Variants in CCDC88C observed in about 807,000 individuals in gnomAD.
CCDC88C encodes coiled-coil and HOOK domain protein 88C, also known as protein Daple.
CCDC88C carries 131 observed loss-of-function variants against 198.8 expected under a neutral mutation model. The ratio of observed to expected loss-of-function variants is 0.66; its 90% CI spans 0.57 to 0.76. CCDC88C has a LOEUF of 0.76. Among genes scored for constraint, CCDC88C ranks in the 30% least tolerant of loss-of-function variants. The probability of loss-of-function intolerance (pLI) is 0.00; values close to 1 mark genes in which losing one functional copy is unlikely to be tolerated. For missense variants in CCDC88C, 2,553 were observed against 2,631.6 expected, an observed-to-expected ratio of 0.97 and a Z score of 0.65; for synonymous variants, 1,166 against 1,114.7, an observed-to-expected ratio of 1.05 and a Z score of -0.92.
chr14:91,330,495 G>C (rs759140479), intron 10 of CCDC88C, among the ~76,000 whole-genome samples: 6 of 152,208 alleles, frequency 3.9e-5, no homozygotes, highest in Non-Finnish European at 8.8e-5. Flanking sequence ...TCCGCAGGCA[G>C]ACTCTGGAGT....
At position 91,351,060 on chromosome 14, in the gene CCDC88C, G is replaced by A. The variant is rs79554548; in HGVS notation, c.341-7403C>T. Reference sequence around the variant, plus strand: ...CTTCTGATCCCGGTGGTCCCACGCAGGTTGTTTAACCAGCGTTTGCTGACT... The same window carrying A: ...CTTCTGATCCCGGTGGTCCCACGCAAGTTGTTTAACCAGCGTTTGCTGACT... On this transcript the variant is annotated intron_variant, in intron 4 of 29. Coordinates refer to ENST00000389857, the MANE Select transcript of CCDC88C (RefSeq NM_001080414.4). Among the ~76,000 whole-genome samples the A allele has an allele frequency of 0.01, 1,559 of 152,174 alleles. 77 individuals are homozygous for A. The East Asian group carries it at 0.16, about 15-fold the overall frequency.
Position 91,272,702 on chromosome 14 carries a change from C to T in CCDC88C, c.6010G>A (p.Val2004Ile), listed in dbSNP as rs370102360. Reference protein sequence around the residue: ...RALEDCSRGSVSKSSPASPEP... With the variant: ...RALEDCSRGSISKSSPASPEP... The stretch of plus-strand genomic sequence containing the variant: ...GGGGAGGCCGGACTGCTCTTTGAGA[C>T]GCTCCCTCGACTGCAGTCCTCCAGG... The change falls in exon 30 of 30, where the codon GTC becomes ATC. Residue 2004 changes from valine to isoleucine, a missense_variant. By Grantham distance (29) the Val-to-Ile change is conservative. Transcript: ENST00000389857. 4.6e-5 allele frequency: 74 copies of T among 1,611,262 alleles called. No homozygotes were observed. The highest frequency in any genetic ancestry group is 2.7e-4 in the Admixed American group (16 of 59,976).
chr14:91,281,235 G>T, intron 27 of CCDC88C: 1 of 1,219,408 alleles, frequency 8.2e-7, no homozygotes, highest in Non-Finnish European at 1.1e-6. Flanking sequence ...GGTGCTTCCA[G>T]AACTGTGATG....
chr14:91,413,142 T>C (rs781082794), intron 2 of CCDC88C, among the ~76,000 whole-genome samples: 1 of 152,212 alleles, frequency 6.6e-6, no homozygotes, highest in Non-Finnish European at 1.5e-5. Context: ...GTTCCAACTT[T>C]AGCCACTGCG....
At chr14:91,290,108 CT>C (rs1209655507) in intron 24 of CCDC88C, among the ~76,000 whole-genome samples, 5 of 152,106 alleles carry the variant, frequency 3.3e-5, no homozygotes, top group Non-Finnish European at 5.9e-5. Flanking sequence ...CCCATCTCTA[CT>C]AAAAATACAA....
chr14:91,349,824 A>G (rs1378121587), intron 4 of CCDC88C, among the ~76,000 whole-genome samples: 1 of 152,238 alleles, frequency 6.6e-6, no homozygotes, highest in Non-Finnish European at 1.5e-5. Context: ...GCCTGATAGC[A>G]CACGTTTCTA....
chr14:91,334,402 G>A (rs2139848787), intron 10 of CCDC88C, among the ~76,000 whole-genome samples: 1 of 152,234 alleles, frequency 6.6e-6, no homozygotes, highest in Admixed American at 6.5e-5. Context: ...TGCCACCAGA[G>A]CCGGCTAGTA....
Position 91,297,509 on chromosome 14 carries a change from A to T in CCDC88C, c.3780-18T>A. On this transcript the variant is annotated intron_variant, in intron 21 of 29. Coordinates refer to ENST00000389857, the MANE Select transcript of CCDC88C (RefSeq NM_001080414.4). ...AATTGACCCTGGAGGAGGAAGAGTC[A>T]CAGGGCAAAGGAGCTGAAGAGCCTG... is the stretch of plus-strand genomic sequence containing the variant. 1 of 1,551,840 alleles carries T rather than the reference A, an allele frequency of 6.4e-7. No homozygotes were observed. Among genetic ancestry groups the T allele is most frequent in the Non-Finnish European group, 8.7e-7 (1 of 1,147,016 alleles).
chr14:91,274,500 A>C (rs966212090), intron 29 of CCDC88C, among the ~76,000 whole-genome samples: 1 of 152,194 alleles, frequency 6.6e-6, no homozygotes, highest in African/African-American at 2.4e-5. Flanking sequence ...AAGAGAAGTG[A>C]GTTCATGGGG....
Position 91,299,793 on chromosome 14 carries a change from C to T in CCDC88C, c.3779+134G>A, listed in dbSNP as rs111426928. The T allele has an allele frequency of 4.3e-4, 522 of 1,222,980 alleles. No homozygotes were observed. The African/African-American group carries it at 7.4e-3, about 17-fold the overall frequency. 75.8% of individuals were successfully genotyped at this position (1,222,980 alleles called of 1,614,324 possible). On this transcript the variant is annotated intron_variant, in intron 21 of 29. Transcript: ENST00000389857. Reference sequence around the variant, plus strand: ...TTGCCCTTTAGCTTATTTTACCCACCCAGCTGTTCACACAGCAAGGGATAA... The same window carrying T: ...TTGCCCTTTAGCTTATTTTACCCACTCAGCTGTTCACACAGCAAGGGATAA...
chr14:91,292,558 C>A (rs536718714), intron 23 of CCDC88C, among the ~76,000 whole-genome samples: 12 of 152,244 alleles, frequency 7.9e-5, no homozygotes, highest in Admixed American at 7.2e-4. Flanking sequence ...TAGGTGAAGC[C>A]GACAGAATAA....
At position 91,293,431 on chromosome 14, in the gene CCDC88C, TTCCCGTCCTCACCTGCCACGGTC is replaced by T. The variant is rs1567055288; in HGVS notation, c.4112+719_4112+741del. On this transcript the variant is annotated intron_variant, in intron 23 of 29. Coordinates refer to ENST00000389857, the MANE Select transcript of CCDC88C (RefSeq NM_001080414.4). ...GCCCCCTCACCTGCCACGGCCCACC[TTCCCGTCCTCACCTGCCACGGTC>T]CACCTTCCCATCCTCACCTGCCACA... Among the ~76,000 whole-genome samples the T allele has an allele frequency of 1.1e-4, 15 of 131,850 alleles. No homozygotes were observed. The South Asian group carries it at 1.2e-3, about 11-fold the overall frequency. The allele number at this position is 131,850 out of a possible 152,430, so 86.5% of individuals were successfully genotyped here.
chr14:91,301,608 T>A (rs1040925660), intron 20 of CCDC88C, among the ~76,000 whole-genome samples: 4 of 152,124 alleles, frequency 2.6e-5, no homozygotes, highest in African/African-American at 9.7e-5. Flanking sequence ...TCCCAGCTAC[T>A]TGGGAGGCTG....
intron 19 of CCDC88C, 132 bp downstream of exon 19, chr14:91,305,633 A>G: frequency 1.2e-6 from 1 of 850,204 alleles, no homozygotes; most frequent in Admixed American, 3.0e-5. Context: ...GTCTCTATTA[A>G]CAAAATCCCA....
At chr14:91,295,669 G>A (rs1248026249) in intron 22 of CCDC88C, among the ~76,000 whole-genome samples, 1 of 152,252 alleles carries the variant, frequency 6.6e-6, no homozygotes, top group Non-Finnish European at 1.5e-5. Context: ...CTCCTGGAGA[G>A]AGGCGGGTTA....
chr14:91,408,843 C>A, intron 2 of CCDC88C, 76 bp from the exon 3 acceptor site: 2 of 935,432 alleles, frequency 2.1e-6, no homozygotes, highest in Non-Finnish European at 1.7e-6. Context: ...CACGACCCAG[C>A]ATCTTGTCCT....
At chr14:91,309,776 G>T in intron 16 of CCDC88C, 83 bp downstream of exon 16, 1 of 1,443,154 alleles carries the variant, frequency 6.9e-7, no homozygotes, top group Non-Finnish European at 9.4e-7. Flanking sequence ...GTTCATGGAG[G>T]TCTCAGGGGA....
chr14:91,297,212 C>T, intron 22 of CCDC88C, 93 bp downstream of exon 22: 1 of 1,269,292 alleles, frequency 7.9e-7, no homozygotes, highest in Admixed American at 2.2e-5. Flanking sequence ...GCACAAATGC[C>T]CATGAGGACC....
At chr14:91,412,049 C>T (rs546058370) in intron 2 of CCDC88C, among the ~76,000 whole-genome samples, 3 of 151,694 alleles carry the variant, frequency 2.0e-5, no homozygotes, top group Admixed American at 6.6e-5. Flanking sequence ...AGTAACCTTG[C>T]CCCCCTCCTT....
Sources: allele counts gnomAD v4.1 joint callset (sites outside exome capture counted in the v4.1 genomes callset), GRCh38; gene constraint gnomAD v4.1.1; transcripts MANE v1.5; gene names NCBI Gene and HGNC (gene_info 2026-07-23, HGNC 2026-07-21).